ADGRE5: variants seen among roughly 807,000 people sequenced by gnomAD.
The protein encoded by ADGRE5 is adhesion G protein-coupled receptor E5.
ADGRE5 carries 72 observed loss-of-function variants against 100.3 expected under a neutral mutation model. That is an observed-to-expected ratio of 0.72 (90% confidence interval 0.59 to 0.87). ADGRE5 has a LOEUF of 0.87. Ranked by LOEUF, ADGRE5 falls within the 40% of genes least tolerant of loss-of-function variation. The pLI is 0.00. For synonymous variants in ADGRE5, 439 were observed against 447.8 expected (o/e 0.98, Z 0.25); for missense variants, 959 against 1,094.7 (o/e 0.88, Z 1.75).
In ADGRE5 at chr19:14,401,841, G is replaced by C; in HGVS notation, c.1183+81G>C. On this transcript the variant is annotated intron_variant, in intron 11 of 19. Transcript: ENST00000242786. The surrounding 1 kb of genome is among the most constrained non-coding windows in gnomAD (Gnocchi z 4.1). ...TGGGGCCAGGGTGAGGTTCAGAATA[G>C]AACAACTGACTGGGCGCGGTGGCTC... is the stretch of plus-strand genomic sequence containing the variant. 1.0e-6 allele frequency: 1 copy of C among 982,798 alleles called. No homozygotes were observed. The highest frequency in any genetic ancestry group is 1.5e-6 in the Non-Finnish European group (1 of 684,264). The allele number at this position is 982,798 out of a possible 1,614,324, so 60.9% of individuals were successfully genotyped here.
intron 12 of ADGRE5, 99 bp downstream of exon 12, chr19:14,402,961 T>A (rs1976076109): frequency 8.3e-7 from 1 of 1,198,068 alleles, no homozygotes; most frequent in Non-Finnish European, 1.2e-6. Context: ...GACTCAGTCT[T>A]TTATGTTTCT....
At chr19:14,399,783 G>A (rs1362004060) in intron 9 of ADGRE5, among the ~76,000 whole-genome samples, 1 of 151,302 alleles carries the variant, frequency 6.6e-6, no homozygotes, top group Non-Finnish European at 1.5e-5. Flanking sequence ...TTTTAGCACA[G>A]TAGAAAAATG....
rs903338147 is a variant in ADGRE5, at chr19:14,396,197, C to G, written c.347-145C>G. On this transcript the variant is annotated intron_variant, in intron 4 of 19. Transcript: ENST00000242786. ...CAGAAGGACTGAGCCACCACCCTCA[C>G]CATAGGATGCCTCTGTGTGGATTGG... 1.0e-5 allele frequency: 15 copies of G among 1,480,496 alleles called. No individual in the cohort carries two copies. The Admixed American group carries it at 2.4e-4, about 24-fold the overall frequency. 91.7% of individuals were successfully genotyped at this position (1,480,496 alleles called of 1,614,324 possible).
intron 1 of ADGRE5, among the ~76,000 whole-genome samples, chr19:14,385,153 G>A (rs1344647432): frequency 6.6e-6 from 1 of 151,390 alleles, no homozygotes; most frequent in Non-Finnish European, 1.5e-5. Flanking sequence ...TGGGATTACA[G>A]GCGTGTGCCA....
Position 14,397,407 on chromosome 19 carries a change from G to C in ADGRE5, c.625+184G>C, listed in dbSNP as rs533853482. 3,278 of 790,082 alleles carry C rather than the reference G, an allele frequency of 4.1e-3. 74 individuals are homozygous for C. In the African/African-American group the frequency reaches 0.052, roughly 12 times the overall value. The allele number at this position is 790,082 out of a possible 1,614,324, so 48.9% of individuals were successfully genotyped here. A position where few individuals can be genotyped will look rare whatever the true frequency, so the allele number is the denominator to read the frequency against. On this transcript the variant is annotated intron_variant, in intron 6 of 19. Transcript: ENST00000242786. ...CTCCGGAAGGAGCTGGGGTACTGAG[G>C]GGGAAGGCTCAGGGGGACCCCAGGC...
rs946132276 is a variant in ADGRE5, at chr19:14,395,312, A to G, written c.347-1030A>G. Reference sequence around the variant, plus strand: ...AGAGACGCTGTCTCCAAAAAAAAAAAAAAAAAACAAAAACGCACTCAGAGG... The same window carrying G: ...AGAGACGCTGTCTCCAAAAAAAAAAGAAAAAAACAAAAACGCACTCAGAGG... On this transcript the variant is annotated intron_variant, in intron 4 of 19. Coordinates refer to ENST00000242786, the MANE Select transcript of ADGRE5 (RefSeq NM_078481.4). Among the ~76,000 whole-genome samples, 42 of 151,836 alleles carry G rather than the reference A, an allele frequency of 2.8e-4. No individual in the cohort carries two copies. The South Asian group carries it at 8.5e-3, about 31-fold the overall frequency.
rs1427723815 is a variant in ADGRE5, at chr19:14,402,527, A to G, written c.1184-70A>G. ...GGACTGGCTGAGCCTGAGCTGGGTC[A>G]TCTTGGGAGGGAGGATAGAGCATGG... On this transcript the variant is annotated intron_variant, in intron 11 of 19. Transcript: ENST00000242786. 1.2e-5 allele frequency: 18 copies of G among 1,546,610 alleles called. No individual in the cohort carries two copies. In the East Asian group the frequency reaches 3.6e-4, roughly 31 times the overall value.
At chr19:14,396,624 C>A in intron 5 of ADGRE5, 151 bp downstream of exon 5, 1 of 1,306,486 alleles carries the variant, frequency 7.7e-7, no homozygotes, top group Non-Finnish European at 1.0e-6. Context: ...GATTCACCTC[C>A]CAGGAAGGTC....
In ADGRE5 at chr19:14,407,141, G is replaced by A. The variant is rs780493480; in HGVS notation, c.2288G>A (p.Arg763Gln). ...TTTGGCCTGTTCATCTTCGACGATC[G>A]GAGCTTGGTGCTGACCTATGTGTTT... ...WVFGLFIFDD[R>Q]SLVLTYVFTI... The change falls in exon 18 of 20, where the codon CGG (arginine) becomes CAG (glutamine). Residue 763 changes from arginine (R) to glutamine (Q), a missense_variant. Arg to Gln is a conservative substitution (Grantham distance 43). Coordinates refer to ENST00000242786, the MANE Select transcript of ADGRE5 (RefSeq NM_078481.4). The A allele has an allele frequency of 4.5e-5, 73 of 1,614,036 alleles. No individual in the cohort carries two copies. The highest frequency in any genetic ancestry group is 4.3e-4 in the African/African-American group (32 of 74,934).
chr19:14,395,927 A>G (rs1975759827), intron 4 of ADGRE5, among the ~76,000 whole-genome samples: 1 of 152,132 alleles, frequency 6.6e-6, no homozygotes, highest in South Asian at 2.1e-4. Context: ...CAGGATGCTG[A>G]GAATTTGGCC....
intron 1 of ADGRE5, among the ~76,000 whole-genome samples, chr19:14,384,448 C>T (rs1249586235): frequency 6.6e-6 from 1 of 152,132 alleles, no homozygotes; most frequent in African/African-American, 2.4e-5. Flanking sequence ...TCCCTTAGGC[C>T]CAGGAAGTGA....
At chr19:14,393,321 G>A (rs1975666429) in intron 4 of ADGRE5, among the ~76,000 whole-genome samples, 1 of 152,178 alleles carries the variant, frequency 6.6e-6, no homozygotes, top group African/African-American at 2.4e-5. Context: ...GTATCCGTAG[G>A]GTGCGAGATC....
chr19:14,403,971 G>C (rs925461144), intron 12 of ADGRE5, among the ~76,000 whole-genome samples: 5 of 147,586 alleles, frequency 3.4e-5, no homozygotes, highest in Admixed American at 1.4e-4. Flanking sequence ...CCACCTCCCA[G>C]GTTCAAGCGA....
rs1417201930 is a variant in ADGRE5 at position 14,406,947 on chromosome 19, T to G, written c.2194T>G (p.Leu732Val). 6.2e-7 allele frequency: 1 copy of G among 1,614,008 alleles called. No individual in the cohort carries two copies. The highest frequency in any genetic ancestry group is 2.2e-5 in the East Asian group (1 of 44,868). ...FSEINPDMKK[L>V]KKARALTITA... The stretch of plus-strand genomic sequence containing the variant: ...TGAAATCAATCCAGACATGAAGAAA[T>G]TAAAGAAGGCGAGGTGAGAGGAGAG... The change falls in exon 17 of 20, where the codon TTA becomes GTA. Residue 732 changes from leucine to valine, a missense_variant. By Grantham distance (32) the Leu-to-Val change is conservative. This residue lies in a region of ADGRE5 where 428 missense variants were observed against 386.2 expected (regional missense o/e 1.11). Transcript: ENST00000242786. This position sits in a 1 kb window ranked among gnomAD's most constrained non-coding sequence, Gnocchi z 6.0.
intron 12 of ADGRE5, among the ~76,000 whole-genome samples, chr19:14,404,151 T>C (rs1013694501): frequency 8.5e-5 from 13 of 152,226 alleles, no homozygotes; most frequent in Non-Finnish European, 1.3e-4. Flanking sequence ...AGTGCTGGGA[T>C]TACAGGCATG....
Position 14,401,438 on chromosome 19 carries a change from C to G in ADGRE5, c.950C>G (p.Ala317Gly). Reference protein sequence around the residue: ...ELMEAPGDVEALAPPVRHLIA... With the variant: ...ELMEAPGDVEGLAPPVRHLIA... ...ATGGAAGCTCCTGGAGACGTAGAGGCCCTGGCGCCACCTGTCCGGCACCTC... is the reference window on the plus strand; with the variant it reads ...ATGGAAGCTCCTGGAGACGTAGAGGGCCTGGCGCCACCTGTCCGGCACCTC... Residue 317 changes from alanine to glycine, a missense_variant, in exon 10 of 20, where the codon GCC becomes GGC. Physicochemically the swap from Ala to Gly is moderately conservative, Grantham distance 60. Transcript: ENST00000242786. The surrounding 1 kb of genome is among the most constrained non-coding windows in gnomAD (Gnocchi z 4.1). 1 of 1,614,114 alleles carries G rather than the reference C, an allele frequency of 6.2e-7. No homozygotes were observed. Among genetic ancestry groups the G allele is most frequent in the Non-Finnish European group, 8.5e-7 (1 of 1,180,008 alleles).
chr19:14,381,649 G>T, intron 1 of ADGRE5, 104 bp downstream of exon 1: 2 of 1,341,714 alleles, frequency 1.5e-6, no homozygotes, highest in Non-Finnish European at 2.0e-6. Flanking sequence ...TGGGGCCTGC[G>T]ATAGAGGAAG....
intron 11 of ADGRE5, among the ~76,000 whole-genome samples, chr19:14,402,086 A>G (rs1976036002): frequency 6.6e-6 from 1 of 151,866 alleles, no homozygotes; most frequent in South Asian, 2.1e-4. Context: ...AGCTATGATC[A>G]CGCCAAAGCA....
At chr19:14,402,001 C>T (rs1015162798) in intron 11 of ADGRE5, among the ~76,000 whole-genome samples, 5 of 151,840 alleles carry the variant, frequency 3.3e-5, no homozygotes, top group African/African-American at 9.7e-5. Context: ...TGTGGTGGCA[C>T]GTGCCTGTAG....
Sources: gnomAD v4.1 joint callset for allele counts (sites outside exome capture counted in the v4.1 genomes callset) on GRCh38, gnomAD v4.1.1 for gene constraint, gnomAD v4.1.1 regional missense constraint, Gnocchi (gnomAD v3.1) non-coding constraint, MANE v1.5 for transcripts, NCBI Gene and HGNC (gene_info 2026-07-23, HGNC 2026-07-21) for gene names.